Variants in SORCS1 observed in about 807,000 individuals in gnomAD.
SORCS1 encodes sortilin related VPS10 domain containing receptor 1, also known as VPS10 domain-containing receptor SorCS1.
Under a neutral mutation model 146.1 loss-of-function variants are expected in SORCS1, and 60 were observed. The ratio of observed to expected loss-of-function variants is 0.41; its 90% CI spans 0.33 to 0.51. SORCS1 has a LOEUF of 0.51. SORCS1 is among the 20% of genes least tolerant of loss of function. The pLI, the probability that SORCS1 is intolerant of heterozygous loss-of-function variation, is 0.21. For synonymous variants in SORCS1, 637 were observed against 584.0 expected, an observed-to-expected ratio of 1.09 and a Z score of -1.31; for missense variants, 1,352 against 1,487.6, an observed-to-expected ratio of 0.91 and a Z score of 1.50.
At chr10:106,970,799 C>T (rs1018029205) in intron 1 of SORCS1, among the ~76,000 whole-genome samples, 9 of 151,884 alleles carry the variant, frequency 5.9e-5, no homozygotes, top group Non-Finnish European at 1.2e-4. Flanking sequence ...AGTGCAATGG[C>T]GTGACCCCAG....
At chr10:107,160,930 G>A (rs1161746678) in intron 1 of SORCS1, among the ~76,000 whole-genome samples, 1 of 152,128 alleles carries the variant, frequency 6.6e-6, no homozygotes, top group Admixed American at 6.5e-5. Context: ...GGATGAGTAG[G>A]GTGGGAACAA....
At chr10:106,727,096 A>AG (rs1564903068) in intron 6 of SORCS1, among the ~76,000 whole-genome samples, 2 of 151,976 alleles carry the variant, frequency 1.3e-5, no homozygotes, top group African/African-American at 4.8e-5. Context: ...AAAAAAAAAA[A>AG]AAAAGAAAAA....
chr10:106,761,484 C>A (rs575097198), intron 5 of SORCS1, 104 bp downstream of exon 5: 2 of 955,096 alleles, frequency 2.1e-6, no homozygotes, highest in East Asian at 2.5e-5. Flanking sequence ...TAAGAACAGA[C>A]CTTATGTGAG....
At chr10:107,094,440 C>T (rs2134333261) in intron 1 of SORCS1, among the ~76,000 whole-genome samples, 1 of 152,106 alleles carries the variant, frequency 6.6e-6, no homozygotes, top group South Asian at 2.1e-4. Flanking sequence ...AATATTTTTC[C>T]TTAAGCACTT....
At chr10:106,764,860 A>G (rs529839831) in intron 4 of SORCS1, among the ~76,000 whole-genome samples, 1 of 152,054 alleles carries the variant, frequency 6.6e-6, no homozygotes, top group East Asian at 1.9e-4. Flanking sequence ...CGTCTCTACT[A>G]AAAATACAAA....
intron 17 of SORCS1, among the ~76,000 whole-genome samples, chr10:106,656,746 G>A (rs1345921557): frequency 6.6e-6 from 1 of 151,880 alleles, no homozygotes; most frequent in South Asian, 2.1e-4. Context: ...TAGCTTAGTA[G>A]CTTAGTAGAT....
chr10:107,108,260 G>T (rs1965436962), intron 1 of SORCS1, among the ~76,000 whole-genome samples: 3 of 152,156 alleles, frequency 2.0e-5, no homozygotes, highest in African/African-American at 7.2e-5. Context: ...TTCCTATAAA[G>T]AAGTACCTGA....
At chr10:107,035,114 A>G (rs1261365741) in intron 1 of SORCS1, among the ~76,000 whole-genome samples, 1 of 151,854 alleles carries the variant, frequency 6.6e-6, no homozygotes, top group Non-Finnish European at 1.5e-5. Flanking sequence ...CCTTTTTTTT[A>G]ATCCCAAGAA....
At position 107,150,283 on chromosome 10, in the gene SORCS1, G is replaced by A. The variant is rs1366402784; in HGVS notation, c.558+13686C>T. Among the ~76,000 whole-genome samples the A allele has an allele frequency of 2.6e-5, 4 of 152,086 alleles. No homozygotes were observed. The East Asian group carries it at 7.7e-4, about 29-fold the overall frequency. On this transcript the variant is annotated intron_variant, in intron 1 of 25. Transcript: ENST00000263054. The stretch of plus-strand genomic sequence containing the variant: ...GCTAAAAATTCAGAACAGCATAACT[G>A]GTATAAAAGGAAAGGTTAAAAGTTG...
chr10:106,685,758 G>T (rs144145523), intron 10 of SORCS1, among the ~76,000 whole-genome samples: 175 of 152,208 alleles, frequency 1.1e-3, no homozygotes, highest in African/African-American at 4.0e-3. Context: ...GGGCCTCATC[G>T]GTCATGATAA....
At chr10:106,625,546 G>T (rs545212232) in intron 19 of SORCS1, among the ~76,000 whole-genome samples, 2 of 152,226 alleles carry the variant, frequency 1.3e-5, no homozygotes, top group South Asian at 4.1e-4. Flanking sequence ...TAATTTGGGG[G>T]CAGGTGGCTC....
At chr10:106,777,304 TTTTG>T (rs1180326634) in intron 3 of SORCS1, among the ~76,000 whole-genome samples, 1 of 152,244 alleles carries the variant, frequency 6.6e-6, no homozygotes, top group Non-Finnish European at 1.5e-5. Flanking sequence ...TACTTATTTA[TTTTG>T]TTTCTTGTCT....
intron 1 of SORCS1, among the ~76,000 whole-genome samples, chr10:106,996,225 TAAAAAAAA>T (rs376245294): frequency 0.041 from 4,095 of 99,678 alleles, 220 homozygotes; most frequent in African/African-American, 0.16. Flanking sequence ...AGACTCCATC[TAAAAAAAA>T]AAAAAAAAAA....
chr10:107,129,025 G>C (rs1966843731), intron 1 of SORCS1, among the ~76,000 whole-genome samples: 1 of 152,172 alleles, frequency 6.6e-6, no homozygotes, highest in Admixed American at 6.5e-5. Context: ...CTCAACACCA[G>C]TCCCTGAGCA....
chr10:107,173,477 T>G, the SORCS1 span, among the ~76,000 whole-genome samples: 2 of 152,178 alleles, frequency 1.3e-5, no homozygotes, highest in African/African-American at 4.8e-5. Context: ...ACTATTTATA[T>G]ATACATTAAA....
Position 107,102,358 on chromosome 10 carries a change from G to A in SORCS1, c.558+61611C>T, listed in dbSNP as rs1264890783. On this transcript the variant is annotated intron_variant, in intron 1 of 25. Coordinates refer to ENST00000263054, the MANE Select transcript of SORCS1 (RefSeq NM_052918.5). ...ACTGTCCTGAAGCTGGATTTGAGACGACCTCTGGATATAGGGAAGTCATGC... is the reference window on the plus strand; with the variant it reads ...ACTGTCCTGAAGCTGGATTTGAGACAACCTCTGGATATAGGGAAGTCATGC... Among the ~76,000 whole-genome samples the A allele has an allele frequency of 2.6e-5, 4 of 152,252 alleles. No individual in the cohort carries two copies. In the East Asian group the frequency reaches 5.8e-4, roughly 22 times the overall value.
At position 106,661,282 on chromosome 10, in the gene SORCS1, G is replaced by A. The variant is rs576908474; in HGVS notation, c.2303+6407C>T. ...CATTTTATTTGAGCAAAAGGAACTC[G>A]TTCAGTAATCAGCTAAACACATTAT... On this transcript the variant is annotated intron_variant, in intron 17 of 25. Transcript: ENST00000263054. 1.4e-4 allele frequency among the ~76,000 whole-genome samples: 21 copies of A among 152,318 alleles called. 1 individual carries two copies. Among genetic ancestry groups the A allele is most frequent in the African/African-American group, 4.8e-4 (20 of 41,568 alleles).
At chr10:106,644,979 A>G (rs1358761826) in intron 18 of SORCS1, among the ~76,000 whole-genome samples, 1 of 152,178 alleles carries the variant, frequency 6.6e-6, no homozygotes, top group African/African-American at 2.4e-5. Flanking sequence ...TGATGAGTAT[A>G]TACTTAAAAG....
At chr10:106,973,684 C>T (rs1955883009) in intron 1 of SORCS1, among the ~76,000 whole-genome samples, 1 of 152,106 alleles carries the variant, frequency 6.6e-6, no homozygotes, top group African/African-American at 2.4e-5. Context: ...TTTTTTTCCC[C>T]CTTAAATCGT....
Sources: allele counts gnomAD v4.1 joint callset (sites outside exome capture counted in the v4.1 genomes callset), GRCh38; gene constraint gnomAD v4.1.1; transcripts MANE v1.5; gene names NCBI Gene and HGNC (gene_info 2026-07-23, HGNC 2026-07-21).